The following DMD variants were observed in gnomAD, a reference collection of about 807,000 sequenced individuals.
DMD encodes the protein dystrophin, also known as mutant dystrophin.
A neutral mutation model predicts 330.1 loss-of-function variants in DMD; 63 were observed. The observed-to-expected ratio is 0.19, with a 90% confidence interval of 0.16 to 0.24. The LOEUF is 0.24. Among genes scored for constraint, DMD ranks in the 10% least tolerant of loss-of-function variants. The pLI is 1.00. For missense variants in DMD, 3,344 were observed against 2,684.1 expected, an observed-to-expected ratio of 1.25 and a Z score of -5.43; for synonymous variants, 1,223 against 959.8, an observed-to-expected ratio of 1.27 and a Z score of -5.07.
intron 19 of DMD, among the ~76,000 whole-genome samples, chrX:32,498,815 G>A (rs145062328): frequency 1.1e-3 from 120 of 111,688 alleles, no homozygotes; most frequent in African/African-American, 3.7e-3. Flanking sequence ...TTTCTAGAAC[G>A]TACAACTGAT....
chrX:33,321,428 GAA>G (rs60756362), intron 1 of DMD, among the ~76,000 whole-genome samples: 21 of 106,122 alleles, frequency 2.0e-4, no homozygotes, highest in Non-Finnish European at 3.5e-4. Flanking sequence ...TAATATTTTT[GAA>G]AAAAAAAATA....
intron 7 of DMD, among the ~76,000 whole-genome samples, chrX:32,773,461 C>G (rs1424111242): frequency 1.8e-5 from 2 of 110,125 alleles, no homozygotes; most frequent in African/African-American, 6.6e-5. Flanking sequence ...TATAATCACT[C>G]TAGGGTGCTA....
chrX:31,214,189 T>G (rs1405563241), intron 64 of DMD, among the ~76,000 whole-genome samples: 1 of 112,482 alleles, frequency 8.9e-6, no homozygotes, highest in Non-Finnish European at 1.9e-5. Flanking sequence ...GTGAGACCAG[T>G]TACAATTAAA....
intron 51 of DMD, among the ~76,000 whole-genome samples, chrX:31,770,938 TACA>T (rs1306986204): frequency 8.9e-6 from 1 of 112,057 alleles, no homozygotes; most frequent in Non-Finnish European, 1.9e-5. Context: ...TTCTATGTTG[TACA>T]ACTTTATGTT....
chrX:31,739,921 G>C (rs1477737028), intron 51 of DMD, among the ~76,000 whole-genome samples: 1 of 106,258 alleles, frequency 9.4e-6, no homozygotes, highest in Non-Finnish European at 1.9e-5. Context: ...TCTACTATTA[G>C]TGTGTTATTT....
chrX:31,271,745 G>A (rs1171719246), intron 62 of DMD, among the ~76,000 whole-genome samples: 2 of 111,940 alleles, frequency 1.8e-5, no homozygotes, highest in African/African-American at 6.5e-5. Context: ...ATACAATAAA[G>A]ACATAAGAAT....
chrX:31,996,479 T>C (rs1235844354), intron 44 of DMD, among the ~76,000 whole-genome samples: 1 of 111,695 alleles, frequency 9.0e-6, no homozygotes, highest in African/African-American at 3.3e-5. Flanking sequence ...CTTCCTAAGT[T>C]GTGAGTGGCA....
At chrX:32,550,035 C>T (rs1184018847) in intron 16 of DMD, among the ~76,000 whole-genome samples, 1 of 111,905 alleles carries the variant, frequency 8.9e-6, no homozygotes, top group Non-Finnish European at 1.9e-5. Context: ...TGTCCTTGTA[C>T]GAACGCCGTG....
At chrX:33,192,168 T>C in intron 1 of DMD, among the ~76,000 whole-genome samples, 1 of 112,121 alleles carries the variant, frequency 8.9e-6, no homozygotes, top group Non-Finnish European at 1.9e-5. Context: ...ATGAAGAGTG[T>C]CACTTCACCT....
At chrX:32,631,982 A>T (rs5927092) in intron 11 of DMD, among the ~76,000 whole-genome samples, 1 of 110,915 alleles carries the variant, frequency 9.0e-6, no homozygotes, top group African/African-American at 3.3e-5. Context: ...CAAGGTCTTT[A>T]CTTATTCCAG....
intron 9 of DMD, among the ~76,000 whole-genome samples, chrX:32,654,281 G>A (rs926259493): frequency 9.8e-5 from 11 of 111,817 alleles, no homozygotes; most frequent in African/African-American, 3.6e-4. Context: ...GATAGTGGCT[G>A]TGGGTTTGTC....
intron 7 of DMD, among the ~76,000 whole-genome samples, chrX:32,731,718 A>G (rs914917420): frequency 3.6e-5 from 4 of 112,021 alleles, no homozygotes; most frequent in African/African-American, 1.3e-4. Context: ...GTTAGAAGGA[A>G]AACTAACAAA....
intron 1 of DMD, among the ~76,000 whole-genome samples, chrX:33,201,122 G>C (rs757257892): frequency 1.3e-4 from 14 of 109,434 alleles, no homozygotes; most frequent in Admixed American, 5.9e-4. Context: ...GTAGAGATGT[G>C]GTTTCACCAT....
intron 9 of DMD, among the ~76,000 whole-genome samples, chrX:32,666,624 T>A (rs2061320678): frequency 9.1e-6 from 1 of 109,883 alleles, no homozygotes; most frequent in Non-Finnish European, 1.9e-5. Flanking sequence ...TGGTCAGGAG[T>A]TCGAGACCAG....
rs1453258843 is a variant in DMD, at chrX:32,969,454, T to TA, written c.93+50684dup. Among the ~76,000 whole-genome samples the TA allele has an allele frequency of 9.6e-5, 9 of 93,395 alleles. 1 individual carries two copies. The highest frequency in any genetic ancestry group is 1.4e-4 in the Non-Finnish European group (7 of 49,176). 81.1% of individuals were successfully genotyped at this position (93,395 alleles called of 115,157 possible). A position where few individuals can be genotyped will look rare whatever the true frequency, so the allele number is the denominator to read the frequency against. The stretch of plus-strand genomic sequence containing the variant: ...TAAAATATGCTACCACATACATAGA[T>TA]AAAATACTTGCCCAGATACATAGAT... On this transcript the variant is annotated intron_variant, in intron 2 of 78. Coordinates refer to ENST00000357033, the MANE Select transcript of DMD (RefSeq NM_004006.3).
chrX:33,281,124 C>T (rs943516584), intron 1 of DMD, among the ~76,000 whole-genome samples: 6 of 111,074 alleles, frequency 5.4e-5, no homozygotes, highest in African/African-American at 2.0e-4. Flanking sequence ...CACTTGGTAA[C>T]TTTTATCATA....
rs2050589151 is a variant in DMD, at chrX:33,190,986, ATATATATAATATATAATATTAT to A, written c.31+20274_31+20295del. On this transcript the variant is annotated intron_variant, in intron 1 of 78. Transcript: ENST00000357033. ...ATATATAATATATAATATTATATATATATATATAATATATAATATTATATATATATATATAGTGTACACCTAT... is the reference window on the plus strand; with the variant it reads ...ATATATAATATATAATATTATATATAATATATATATATAGTGTACACCTAT... Among the ~76,000 whole-genome samples, 3 of 1,592 alleles carry A rather than the reference ATATATATAATATATAATATTAT, an allele frequency of 1.9e-3. 1 individual carries two copies. Among genetic ancestry groups the A allele is most frequent in the Non-Finnish European group, 3.7e-3 (3 of 821 alleles). 1.4% of individuals were successfully genotyped at this position (1,592 alleles called of 115,157 possible).
intron 16 of DMD, among the ~76,000 whole-genome samples, chrX:32,548,054 A>C (rs2148976180): frequency 8.9e-6 from 1 of 111,735 alleles, no homozygotes; most frequent in East Asian, 2.8e-4. Context: ...CGTCATCCAA[A>C]ACCAATGTTT....
chrX:31,649,439 C>T (rs914550397), intron 54 of DMD, among the ~76,000 whole-genome samples: 1 of 111,529 alleles, frequency 9.0e-6, no homozygotes, highest in African/African-American at 3.3e-5. Context: ...ATTCTAATTA[C>T]TTGAAAGGAG....
Sources: gnomAD v4.1 joint callset for allele counts (sites outside exome capture counted in the v4.1 genomes callset) on GRCh38, gnomAD v4.1.1 for gene constraint, MANE v1.5 for transcripts, NCBI Gene and HGNC (gene_info 2026-07-23, HGNC 2026-07-21) for gene names.